Variants in SPMIP2 observed in about 807,000 individuals in gnomAD.
SPMIP2 encodes the protein sperm microtubule inner protein 2.
chr4:158,897,148 C>T, the SPMIP2 span, among the ~76,000 whole-genome samples: 1 of 152,138 alleles, frequency 6.6e-6, no homozygotes, highest in African/African-American at 2.4e-5. Flanking sequence ...CAGCCTCATC[C>T]GTGTCCCTGC....
chr4:159,007,805 G>A, the SPMIP2 span: 26 of 570,168 alleles, frequency 4.6e-5, no homozygotes, highest in Non-Finnish European at 5.9e-5. Flanking sequence ...TTGTCAACCC[G>A]AAGGGTGAAG....
the SPMIP2 span, among the ~76,000 whole-genome samples, chr4:158,916,674 C>T: frequency 4.6e-5 from 7 of 152,152 alleles, no homozygotes; most frequent in East Asian, 1.9e-4. Context: ...GATGGAGTCT[C>T]GCTCTGTCAC....
chr4:158,966,908 G>T, the SPMIP2 span, among the ~76,000 whole-genome samples: 265 of 152,266 alleles, frequency 1.7e-3, 1 homozygote, highest in Non-Finnish European at 2.4e-3. Context: ...CTAAAAGAGA[G>T]AGAAAGCCCT....
the SPMIP2 span, among the ~76,000 whole-genome samples, chr4:159,001,940 T>C: frequency 6.6e-6 from 1 of 152,242 alleles, no homozygotes; most frequent in Non-Finnish European, 1.5e-5. Context: ...CCACAATGGT[T>C]GAACTAATTT....
chr4:159,039,057 CA>C, the SPMIP2 span, among the ~76,000 whole-genome samples: 2 of 152,110 alleles, frequency 1.3e-5, no homozygotes, highest in African/African-American at 4.8e-5. Context: ...TGGCTCACTA[CA>C]ACCTTGACTG....
the SPMIP2 span, among the ~76,000 whole-genome samples, chr4:158,917,491 A>T: frequency 1.3e-5 from 2 of 151,748 alleles, no homozygotes; most frequent in African/African-American, 4.8e-5. Context: ...TTTCAGACAC[A>T]CACAGTCCTT....
At chr4:159,070,046 C>CTT in the SPMIP2 span, among the ~76,000 whole-genome samples, 2 of 144,914 alleles carry the variant, frequency 1.4e-5, no homozygotes, top group African/African-American at 5.0e-5. Flanking sequence ...AGGTGGTACA[C>CTT]TTTTTTTTTT....
At chr4:159,008,168 C>T in the SPMIP2 span, among the ~76,000 whole-genome samples, 2 of 152,304 alleles carry the variant, frequency 1.3e-5, no homozygotes, top group Non-Finnish European at 2.9e-5. Context: ...TACATGCCAG[C>T]CTCTTTCATA....
At chr4:158,984,991 A>G in the SPMIP2 span, among the ~76,000 whole-genome samples, 16 of 149,994 alleles carry the variant, frequency 1.1e-4, no homozygotes, top group South Asian at 2.1e-4. Flanking sequence ...ACCATCAGAG[A>G]ATACTACAAA....
At chr4:159,077,670 C>T in the SPMIP2 span, among the ~76,000 whole-genome samples, 1 of 152,088 alleles carries the variant, frequency 6.6e-6, no homozygotes, top group South Asian at 2.1e-4. Context: ...TTCCTTAAAG[C>T]AGATGTTACC....
At chr4:159,073,935 G>A in the SPMIP2 span, among the ~76,000 whole-genome samples, 1 of 152,168 alleles carries the variant, frequency 6.6e-6, no homozygotes, top group Non-Finnish European at 1.5e-5. Flanking sequence ...AACCCAGGAG[G>A]TGGAGGTTGC....
At chr4:158,926,203 T>C in the SPMIP2 span, among the ~76,000 whole-genome samples, 1 of 152,226 alleles carries the variant, frequency 6.6e-6, no homozygotes, top group Middle Eastern at 3.2e-3. Context: ...TTTTATTAGT[T>C]ATTATTTCCT....
chr4:159,073,689 C>T, the SPMIP2 span, among the ~76,000 whole-genome samples: 1 of 152,068 alleles, frequency 6.6e-6, no homozygotes, highest in African/African-American at 2.4e-5. Context: ...AGAAATATGT[C>T]CAAAATACGT....
At chr4:159,068,329 C>T in the SPMIP2 span, among the ~76,000 whole-genome samples, 2,378 of 152,134 alleles carry the variant, frequency 0.016, 81 homozygotes, top group African/African-American at 0.054. Context: ...ACTATGCAGC[C>T]GTAAAAAATG....
chr4:159,015,512 C>T, the SPMIP2 span, among the ~76,000 whole-genome samples: 395 of 152,184 alleles, frequency 2.6e-3, 10 homozygotes, highest in East Asian at 0.051. Context: ...AAAGCAAAAA[C>T]AAGAAATGCT....
At chr4:159,021,209 T>C in the SPMIP2 span, among the ~76,000 whole-genome samples, 1 of 152,224 alleles carries the variant, frequency 6.6e-6, no homozygotes, top group Non-Finnish European at 1.5e-5. Flanking sequence ...AAAAGCTAGA[T>C]GTTATGAATA....
chr4:159,004,721 G>A, the SPMIP2 span, among the ~76,000 whole-genome samples: 1 of 152,040 alleles, frequency 6.6e-6, no homozygotes, highest in Non-Finnish European at 1.5e-5. Flanking sequence ...TTTGCACTGG[G>A]TCACAATTTC....
the SPMIP2 span, among the ~76,000 whole-genome samples, chr4:158,957,502 C>T: frequency 6.6e-6 from 1 of 152,204 alleles, no homozygotes; most frequent in Non-Finnish European, 1.5e-5. Context: ...TCTCAGCTCA[C>T]TGCAACCTCC....
At chr4:158,915,621 T>C in the SPMIP2 span, among the ~76,000 whole-genome samples, 7 of 152,312 alleles carry the variant, frequency 4.6e-5, no homozygotes, top group South Asian at 8.3e-4. Flanking sequence ...ACTACTGTCC[T>C]TTCAGAGCCA....
Sources: allele counts gnomAD v4.1 joint callset (sites outside exome capture counted in the v4.1 genomes callset), GRCh38; gene constraint gnomAD v4.1.1; transcripts MANE v1.5; gene names NCBI Gene and HGNC (gene_info 2026-07-23, HGNC 2026-07-21).